NTN4: variants seen among roughly 807,000 people sequenced by gnomAD.
The protein encoded by NTN4 is netrin 4, also known as netrin-4.
Under a neutral mutation model 73.6 loss-of-function variants are expected in NTN4, and 32 were observed. The observed-to-expected ratio is 0.44, with a 90% CI of 0.33 to 0.58. NTN4 has a LOEUF of 0.58. NTN4 is among the 20% of genes least tolerant of loss of function. NTN4 has a pLI of 0.04. For synonymous variants in NTN4, 258 were observed against 287.5 expected (o/e 0.90, Z 1.04); for missense variants, 654 against 798.3 (o/e 0.82, Z 2.18).
chr12:95,756,220 T>A lies in NTN4; in HGVS notation c.586-18076A>T, dbSNP rs188831995. 3.9e-5 allele frequency among the ~76,000 whole-genome samples: 6 copies of A among 152,354 alleles called. No individual in the cohort carries two copies. In the East Asian group the frequency reaches 9.6e-4, roughly 24 times the overall value. ...ATAGGATTAAAGAAAATATTATATA[T>A]GATTGATACCATCAGCACTTGTCAA... On this transcript the variant is annotated intron_variant, in intron 2 of 9. Coordinates refer to ENST00000343702, the MANE Select transcript of NTN4 (RefSeq NM_021229.4).
intron 7 of NTN4, chr12:95,672,814 A>C: frequency 1.5e-6 from 2 of 1,339,996 alleles, no homozygotes; most frequent in Admixed American, 3.4e-5. Context: ...GAATAAAGAA[A>C]TAGTTCCCCA....
intron 2 of NTN4, among the ~76,000 whole-genome samples, chr12:95,742,541 TG>T (rs199754405): frequency 0.015 from 2,257 of 152,328 alleles, 41 homozygotes; most frequent in South Asian, 0.11. Flanking sequence ...AACATTGTAT[TG>T]CCTATGTTGA....
intron 3 of NTN4, among the ~76,000 whole-genome samples, chr12:95,736,500 T>G (rs1245550126): frequency 6.6e-6 from 1 of 152,184 alleles, no homozygotes; most frequent in Non-Finnish European, 1.5e-5. Context: ...GCAAAATATT[T>G]TGAGCACTCT....
In NTN4 at chr12:95,730,282, A is replaced by C. The variant is rs368461066; in HGVS notation, c.864+7584T>G. Among the ~76,000 whole-genome samples, 10 of 152,306 alleles carry C rather than the reference A, an allele frequency of 6.6e-5. No homozygotes were observed. In the East Asian group the frequency reaches 1.5e-3, roughly 23 times the overall value. ...AATGAACAAATATTATATTTTGGAG[A>C]CTCAACCTTACTTTCCCATTGGCTT... On this transcript the variant is annotated intron_variant, in intron 3 of 9. Transcript: ENST00000343702.
chr12:95,675,194 T>C (rs1032107778), intron 7 of NTN4, among the ~76,000 whole-genome samples: 2 of 152,238 alleles, frequency 1.3e-5, no homozygotes, highest in African/African-American at 4.8e-5. Flanking sequence ...TGCCTTCTCT[T>C]TCGCACCTTC....
chr12:95,786,310 A>C (rs1265123006), intron 2 of NTN4, among the ~76,000 whole-genome samples: 1 of 152,206 alleles, frequency 6.6e-6, no homozygotes, highest in East Asian at 1.9e-4. Context: ...TTTCTCCCTT[A>C]GGAGAAAGGA....
At chr12:95,663,696 A>G (rs1253914392) in intron 9 of NTN4, 1 of 152,178 alleles carries the variant, frequency 6.6e-6, no homozygotes. Flanking sequence ...GGCAAGTTCC[A>G]GTCTTTTCTT....
intron 5 of NTN4, among the ~76,000 whole-genome samples, chr12:95,693,954 C>T (rs1037356160): frequency 4.0e-4 from 61 of 151,892 alleles, no homozygotes; most frequent in African/African-American, 1.5e-3. Context: ...TCCCTTTATT[C>T]TGAAGAGATT....
intron 2 of NTN4, among the ~76,000 whole-genome samples, chr12:95,749,617 C>G (rs995164347): frequency 6.6e-6 from 1 of 152,226 alleles, no homozygotes; most frequent in Non-Finnish European, 1.5e-5. Context: ...GGGAAGGCAG[C>G]CTTCCCTTGG....
At chr12:95,694,581 A>G (rs1224884052) in intron 5 of NTN4, among the ~76,000 whole-genome samples, 1 of 152,224 alleles carries the variant, frequency 6.6e-6, no homozygotes, top group Non-Finnish European at 1.5e-5. Context: ...AATAGTAGAA[A>G]AAATGAGATC....
rs999701125 is a variant in NTN4 at position 95,735,892 on chromosome 12, A to AT, written c.864+1973dup. Among the ~76,000 whole-genome samples, 351 of 148,126 alleles carry AT rather than the reference A, an allele frequency of 2.4e-3. 2 individuals are homozygous for AT. The highest frequency in any genetic ancestry group is 8.4e-3 in the African/African-American group (336 of 39,960). On this transcript the variant is annotated intron_variant, in intron 3 of 9. Coordinates refer to ENST00000343702, the MANE Select transcript of NTN4 (RefSeq NM_021229.4). ...TAATACTTTTAAATGCCTGCTCATG[A>AT]TTTTTTTTAAATTTTTATTTATTTA... is the stretch of plus-strand genomic sequence containing the variant.
rs2079189503 is a variant in NTN4, at chr12:95,789,106, A to G, written c.55+1149T>C. Among the ~76,000 whole-genome samples, 1 of 152,206 alleles carries G rather than the reference A, an allele frequency of 6.6e-6. No homozygotes were observed. The highest frequency in any genetic ancestry group is 2.4e-5 in the African/African-American group (1 of 41,452). On this transcript the variant is annotated intron_variant, in intron 1 of 9. Transcript: ENST00000343702. The surrounding 1 kb of genome is among the most constrained non-coding windows in gnomAD (Gnocchi z 4.0). The stretch of plus-strand genomic sequence containing the variant: ...TGCCCCTAAACTCCTAAGTCCAGAA[A>G]AGATTTGAGCCAGATAAAGAATCCA...
chr12:95,773,189 A>G (rs183716942), intron 2 of NTN4, among the ~76,000 whole-genome samples: 1 of 152,140 alleles, frequency 6.6e-6, no homozygotes, highest in African/African-American at 2.4e-5. Flanking sequence ...TTTGTAGTAG[A>G]GACAGGGTTT....
Position 95,781,797 on chromosome 12 carries a change from CTGTTT to C in NTN4, c.585+5137_585+5141del, listed in dbSNP as rs1219082826. ...CTGCCAGCATTCCCCATCCCCTCCC[CTGTTT>C]TGTTTTCTCTCCTTAGTATTTACCA... On this transcript the variant is annotated intron_variant, in intron 2 of 9. Coordinates refer to ENST00000343702, the MANE Select transcript of NTN4 (RefSeq NM_021229.4). The surrounding 1 kb of genome is among the most constrained non-coding windows in gnomAD (Gnocchi z 4.1). 6.6e-6 allele frequency among the ~76,000 whole-genome samples: 1 copy of C among 152,024 alleles called. No homozygotes were observed. Among genetic ancestry groups the C allele is most frequent in the Non-Finnish European group, 1.5e-5 (1 of 67,986 alleles).
chr12:95,729,129 T>C (rs12371095), intron 3 of NTN4, among the ~76,000 whole-genome samples: 56,515 of 151,998 alleles, frequency 0.37, 12,436 homozygotes, highest in Non-Finnish European at 0.5. Context: ...AACAGACTAA[T>C]ACATGCCCTT....
At position 95,766,778 on chromosome 12, in the gene NTN4, C is replaced by A. The variant is rs189543669; in HGVS notation, c.585+20161G>T. Reference sequence around the variant, plus strand: ...AGAAGGGCTCTTCTCTTGTTTGGAGCATTATTCTTCCATGAATGTAGCCTA... The same window carrying A: ...AGAAGGGCTCTTCTCTTGTTTGGAGAATTATTCTTCCATGAATGTAGCCTA... On this transcript the variant is annotated intron_variant, in intron 2 of 9. Coordinates refer to ENST00000343702, the MANE Select transcript of NTN4 (RefSeq NM_021229.4). Among the ~76,000 whole-genome samples the A allele has an allele frequency of 9.5e-4, 144 of 152,296 alleles. 2 individuals are homozygous for A. The East Asian group carries it at 0.021, about 23-fold the overall frequency.
Position 95,699,630 on chromosome 12 carries a change from A to G in NTN4, c.1180+10811T>C, listed in dbSNP as rs74969802. Among the ~76,000 whole-genome samples, 131 of 97,806 alleles carry G rather than the reference A, an allele frequency of 1.3e-3. 1 individual carries two copies. Among genetic ancestry groups the G allele is most frequent in the Middle Eastern group, 4.8e-3 (1 of 208 alleles). The allele number at this position is 97,806 out of a possible 152,430, so 64.2% of individuals were successfully genotyped here. On this transcript the variant is annotated intron_variant, in intron 5 of 9. Coordinates refer to ENST00000343702, the MANE Select transcript of NTN4 (RefSeq NM_021229.4). Reference sequence around the variant, plus strand: ...GTTTTCACCTAAGCCAGAAAGAAGGAAAAAAAAAAAAAGATCTGGATGATA... The same window carrying G: ...GTTTTCACCTAAGCCAGAAAGAAGGGAAAAAAAAAAAAGATCTGGATGATA...
chr12:95,663,290 A>G (rs1392161154), intron 9 of NTN4: 1 of 152,226 alleles, frequency 6.6e-6, no homozygotes, highest in African/African-American at 2.4e-5. Context: ...ATGAAGCAGC[A>G]TCACACCAAA....
At position 95,751,869 on chromosome 12, in the gene NTN4, TG is replaced by T. The variant is rs573952162; in HGVS notation, c.586-13726del. Among the ~76,000 whole-genome samples, 617 of 93,636 alleles carry T rather than the reference TG, an allele frequency of 6.6e-3. 3 individuals are homozygous for T. In the Middle Eastern group the frequency reaches 0.074, roughly 11 times the overall value. 61.4% of individuals were successfully genotyped at this position (93,636 alleles called of 152,430 possible). On this transcript the variant is annotated intron_variant, in intron 2 of 9. Coordinates refer to ENST00000343702, the MANE Select transcript of NTN4 (RefSeq NM_021229.4). ...ACCTCTTAAAACTCCCCAACTCTGG[TG>T]CCAACTTAGACAATACCCTTTTAAG... is the stretch of plus-strand genomic sequence containing the variant.
Sources: allele counts gnomAD v4.1 joint callset (sites outside exome capture counted in the v4.1 genomes callset), GRCh38; gene constraint gnomAD v4.1.1; non-coding constraint Gnocchi (gnomAD v3.1); transcripts MANE v1.5; gene names NCBI Gene and HGNC (gene_info 2026-07-23, HGNC 2026-07-21).